Variants in PREPL observed in about 807,000 individuals in gnomAD.
PREPL encodes the protein prolyl endopeptidase-like.
PREPL carries 77 observed loss-of-function variants against 70.6 expected under a neutral mutation model. That is an observed-to-expected ratio of 1.09 (90% CI 0.91 to 1.32). PREPL has a LOEUF of 1.32. Among genes scored for constraint, PREPL ranks in the 40% most tolerant of loss-of-function variants. PREPL has a pLI of 0.00. For synonymous variants in PREPL, 315 were observed against 264.8 expected, an observed-to-expected ratio of 1.19 and a Z score of -1.84; for missense variants, 1,002 against 778.2, an observed-to-expected ratio of 1.29 and a Z score of -3.42.
rs1558481546 is a variant in PREPL, at chr2:44,321,465, A to G, written c.1828-20T>C. 2.5e-6 allele frequency: 4 copies of G among 1,605,474 alleles called. No homozygotes were observed. The highest frequency in any genetic ancestry group is 2.7e-5 in the African/African-American group (2 of 74,766). On this transcript the variant is annotated intron_variant, in intron 13 of 13. Coordinates refer to ENST00000409411, the MANE Select transcript of PREPL (RefSeq NM_001171613.2). Reference sequence around the variant, plus strand: ...TGTAATCTAAAAGAAACACATTAAAAAAATTAAATAGAAGGCCTTTGTAGT... The same window carrying G: ...TGTAATCTAAAAGAAACACATTAAAGAAATTAAATAGAAGGCCTTTGTAGT...
chr2:44,338,385 A>G lies in PREPL; in HGVS notation c.854T>C (p.Ile285Thr). 6.2e-7 allele frequency: 1 copy of G among 1,613,026 alleles called. No individual in the cohort carries two copies. The highest frequency in any genetic ancestry group is 8.5e-7 in the Non-Finnish European group (1 of 1,179,782). ...KHSNLLYVNV[I>T]GLADDSVRSL... ...CCGAACTGAATCATCAGCCAGACCA[A>G]TCACATTAACATAAAGGAGATTGCT... Residue 285 changes from isoleucine (I) to threonine (T), a missense_variant, in exon 7 of 14, where the codon ATT becomes ACT. By Grantham distance (89) the Ile-to-Thr change is moderately conservative. Transcript: ENST00000409411.
intron 4 of PREPL, among the ~76,000 whole-genome samples, 157 bp from the exon 5 acceptor site, chr2:44,342,709 T>C (rs2103971884): frequency 6.6e-6 from 1 of 152,136 alleles, no homozygotes. Context: ...CTGTGCTGTA[T>C]ATAAGCCAGA....
chr2:44,341,415 C>T (rs753380854), intron 5 of PREPL, among the ~76,000 whole-genome samples: 17 of 152,020 alleles, frequency 1.1e-4, no homozygotes, highest in Non-Finnish European at 1.8e-4. Context: ...GCTTTATATG[C>T]TTTAATATAT....
intron 9 of PREPL, 65 bp from the exon 10 acceptor site, chr2:44,326,993 C>A (rs925335447): frequency 7.4e-7 from 1 of 1,357,850 alleles, no homozygotes; most frequent in African/African-American, 1.4e-5. Context: ...CTGGGGTCAG[C>A]GAACTACACC....
intron 8 of PREPL, 26 bp from the exon 9 acceptor site, chr2:44,329,138 G>A: frequency 6.5e-7 from 1 of 1,531,344 alleles, no homozygotes; most frequent in South Asian, 1.2e-5. Context: ...TACTATGTAT[G>A]TAAAGAAGAG....
At chr2:44,361,845 G>C (rs1276639441), upstream of PREPL, 2 of 1,293,760 alleles carry the variant, frequency 1.5e-6, no homozygotes, top group African/African-American at 1.6e-5. Context: ...TTGCCAAGGA[G>C]ATGCGAGTAC....
chr2:44,321,500 C>T (rs2103660160), intron 13 of PREPL, 55 bp from the exon 14 acceptor site: 2 of 1,578,818 alleles, frequency 1.3e-6, no homozygotes, highest in Non-Finnish European at 1.7e-6. Flanking sequence ...TAAAATGCCA[C>T]TGTTTAAGCT....
intron 5 of PREPL, among the ~76,000 whole-genome samples, chr2:44,341,328 T>C (rs73924948): frequency 1.2e-4 from 19 of 152,322 alleles, no homozygotes; most frequent in African/African-American, 4.1e-4. Context: ...AATTTTCACA[T>C]AGACTAGGAT....
Position 44,339,296 on chromosome 2 carries a change from T to G in PREPL, c.553A>C (p.Thr185Pro). The G allele has an allele frequency of 6.2e-7, 1 of 1,614,080 alleles. No homozygotes were observed. Among genetic ancestry groups the G allele is most frequent in the African/African-American group, 1.3e-5 (1 of 75,020 alleles). ...FLTINIMNKT[T>P]SEVWLIDGLS... ...CCATCTATCAACCACACTTCAGAAGTAGTCTTGTTCATAATATTTATGGTG... is the reference window on the plus strand; with the variant it reads ...CCATCTATCAACCACACTTCAGAAGGAGTCTTGTTCATAATATTTATGGTG... The change falls in exon 6 of 14, where the codon ACT becomes CCT. Residue 185 changes from threonine (T) to proline (P), a missense_variant. Coordinates refer to ENST00000409411, the MANE Select transcript of PREPL (RefSeq NM_001171613.2).
intron 10 of PREPL, 82 bp downstream of exon 10, chr2:44,326,630 A>G: frequency 7.0e-7 from 1 of 1,426,264 alleles, no homozygotes; most frequent in East Asian, 2.3e-5. Context: ...CCGCTGTGCC[A>G]GCCCAAAAAC....
chr2:44,319,953 T>G lies in PREPL; in HGVS notation c.*1403A>C, dbSNP rs558017646. On this transcript the variant is annotated 3_prime_UTR_variant, in exon 14 of 14. Coordinates refer to ENST00000409411, the MANE Select transcript of PREPL (RefSeq NM_001171613.2). ...TCAAATTTGATCTCTACAGAAACTC[T>G]ACAATGTAGCAGAGCACTGTGCGTA... 2.1e-6 allele frequency: 1 copy of G among 483,670 alleles called. No homozygotes were observed. 30.0% of individuals were successfully genotyped at this position (483,670 alleles called of 1,614,324 possible). A position where few individuals can be genotyped will look rare whatever the true frequency, so the allele number is the denominator to read the frequency against.
chr2:44,320,657 T>G lies in PREPL; in HGVS notation c.*699A>C, dbSNP rs773806097. ...CGTGTTAGGCACCTTTATGAAGAGATGAAGACACTGGCATTTCAGTGGGAT... is the reference window on the plus strand; with the variant it reads ...CGTGTTAGGCACCTTTATGAAGAGAGGAAGACACTGGCATTTCAGTGGGAT... On this transcript the variant is annotated 3_prime_UTR_variant, in exon 14 of 14. Transcript: ENST00000409411. 1.3e-6 allele frequency: 2 copies of G among 1,588,760 alleles called. No homozygotes were observed. The highest frequency in any genetic ancestry group is 1.3e-5 in the African/African-American group (1 of 74,574).
In PREPL at chr2:44,342,462, C is replaced by T; in HGVS notation, c.440G>A (p.Gly147Asp). 6.2e-7 allele frequency: 1 copy of T among 1,613,208 alleles called. No homozygotes were observed. The highest frequency in any genetic ancestry group is 8.5e-7 in the Non-Finnish European group (1 of 1,179,480). ...RCHDVYRATF[G>D]DNKRNERFYT... is the part of the protein sequence containing the mutation. ...AAAGCGTTCATTACGTTTGTTATCA[C>T]CAAAAGTGGCTCGATATACGTCATG... The change falls in exon 5 of 14, where the codon GGT (glycine) becomes GAT (aspartate). Residue 147 changes from glycine to aspartate, a missense_variant. Gly to Asp is a moderately conservative substitution (Grantham distance 94). Transcript: ENST00000409411.
In PREPL at chr2:44,338,483, A is replaced by G. The variant is rs760123526; in HGVS notation, c.756T>C (p.Phe252=). ...TPAIMNWDLF[F]TMKRNTKVID... ...TCACTTTTGTATTTCTCTTCATTGTAAAAAATAAATCCCAATTCATAATTG... is the reference window on the plus strand; with the variant it reads ...TCACTTTTGTATTTCTCTTCATTGTGAAAAATAAATCCCAATTCATAATTG... The change falls in exon 7 of 14, where the codon TTT becomes TTC. Residue 252 remains phenylalanine, a synonymous_variant. Transcript: ENST00000409411. 6.2e-7 allele frequency: 1 copy of G among 1,612,560 alleles called. No individual in the cohort carries two copies. The highest frequency in any genetic ancestry group is 8.5e-7 in the Non-Finnish European group (1 of 1,179,556).
In PREPL at chr2:44,317,856, G is replaced by T. The variant is rs945947022; in HGVS notation, c.*3500C>A. On this transcript the variant is annotated 3_prime_UTR_variant, in exon 14 of 14. Coordinates refer to ENST00000409411, the MANE Select transcript of PREPL (RefSeq NM_001171613.2). ...AATACAATAATTACAAATATGAATG[G>T]GTTAAATTAGCCTATTAAAAGATAA... 1.0e-5 allele frequency: 2 copies of T among 195,674 alleles called. No individual in the cohort carries two copies. Among genetic ancestry groups the T allele is most frequent in the Non-Finnish European group, 2.1e-5 (2 of 93,460 alleles). The allele number at this position is 195,674 out of a possible 1,614,324, so 12.1% of individuals were successfully genotyped here. A position where few individuals can be genotyped will look rare whatever the true frequency, so the allele number is the denominator to read the frequency against.
rs1433913896 is a variant in PREPL, at chr2:44,321,391, C to T, written c.1882G>A (p.Val628Ile). ...AGGTATTTCTTAAGATCCTCGAAAA[C>T]ACTGGTGCTGTCAAGTCCAAGTTCC... ...YEELGLDSTS[V>I]FEDLKKYLKF The change falls in exon 14 of 14, where the codon GTT becomes ATT. Residue 628 changes from valine to isoleucine, a missense_variant. Val to Ile is a conservative substitution (Grantham distance 29). Coordinates refer to ENST00000409411, the MANE Select transcript of PREPL (RefSeq NM_001171613.2). 2 of 1,612,590 alleles carry T rather than the reference C, an allele frequency of 1.2e-6. No individual in the cohort carries two copies. Among genetic ancestry groups the T allele is most frequent in the East Asian group, 2.2e-5 (1 of 44,846 alleles).
At chr2:44,333,702 C>A (rs1444747937) in intron 7 of PREPL, among the ~76,000 whole-genome samples, 1 of 152,106 alleles carries the variant, frequency 6.6e-6, no homozygotes, top group Non-Finnish European at 1.5e-5. Flanking sequence ...CTAATGTATG[C>A]TTCTCACATT....
chr2:44,334,338 C>T lies in PREPL; in HGVS notation c.889-1682G>A, dbSNP rs986753157. On this transcript the variant is annotated intron_variant, in intron 7 of 13. Coordinates refer to ENST00000409411, the MANE Select transcript of PREPL (RefSeq NM_001171613.2). ...CATCAAAAGAATAAGACATACATGCCGAAAGAAAATTGGCCTGAATATGCA... is the reference window on the plus strand; with the variant it reads ...CATCAAAAGAATAAGACATACATGCTGAAAGAAAATTGGCCTGAATATGCA... Among the ~76,000 whole-genome samples the T allele has an allele frequency of 5.9e-5, 9 of 151,910 alleles. No individual in the cohort carries two copies. In the East Asian group the frequency reaches 1.2e-3, roughly 20 times the overall value.
At chr2:44,350,930 C>T (rs73927474) in intron 1 of PREPL, among the ~76,000 whole-genome samples, 2,749 of 151,652 alleles carry the variant, frequency 0.018, 85 homozygotes, top group African/African-American at 0.063. Context: ...CCTTCCTTCT[C>T]AGTATCTTTA....
Sources: allele counts gnomAD v4.1 joint callset (sites outside exome capture counted in the v4.1 genomes callset), GRCh38; gene constraint gnomAD v4.1.1; transcripts MANE v1.5; gene names NCBI Gene and HGNC (gene_info 2026-07-23, HGNC 2026-07-21).